ENDOD1: variants seen among roughly 807,000 people sequenced by gnomAD.
ENDOD1 encodes the protein endonuclease domain-containing 1 protein.
In ENDOD1, 9 loss-of-function variants were observed where a neutral mutation model predicts 6.5. The ratio of observed to expected loss-of-function variants is 1.39; its 90% CI spans 0.84 to 2.43. The LOEUF (loss-of-function observed/expected upper bound fraction) is 2.43. Among genes scored for constraint, ENDOD1 ranks in the 30% most tolerant of loss-of-function variants. The pLI is 0.00. For missense variants in ENDOD1, 648 were observed against 635.5 expected (o/e 1.02, Z -0.21); for synonymous variants, 255 against 255.2 (o/e 1.00, Z 0.01).
chr11:95,113,609 A>C (rs184136575), intron 1 of ENDOD1, among the ~76,000 whole-genome samples: 2 of 152,330 alleles, frequency 1.3e-5, no homozygotes, highest in Non-Finnish European at 2.9e-5. Context: ...ATAGTACTTC[A>C]TTGTGCATAT....
At chr11:95,123,314 T>G (rs868062381) in intron 1 of ENDOD1, among the ~76,000 whole-genome samples, 19 of 150,626 alleles carry the variant, frequency 1.3e-4, no homozygotes, top group Middle Eastern at 3.4e-3. Context: ...TTGCAAAAGA[T>G]AAAATTGACA....
At chr11:95,114,221 A>ATC (rs1370812436) in intron 1 of ENDOD1, among the ~76,000 whole-genome samples, 2 of 152,086 alleles carry the variant, frequency 1.3e-5, no homozygotes, top group Non-Finnish European at 2.9e-5. Context: ...GGCTCAAGTG[A>ATC]TCTTCTCACC....
At chr11:95,108,453 G>C (rs1349900802) in intron 1 of ENDOD1, among the ~76,000 whole-genome samples, 2 of 148,712 alleles carry the variant, frequency 1.3e-5, no homozygotes, top group Non-Finnish European at 3.0e-5. Flanking sequence ...TCTGCTAAAA[G>C]GCCTTTCAGG....
intron 1 of ENDOD1, among the ~76,000 whole-genome samples, chr11:95,093,103 C>G (rs1858946741): frequency 6.6e-6 from 1 of 152,212 alleles, no homozygotes; most frequent in Non-Finnish European, 1.5e-5. Context: ...ATCACAGAAA[C>G]TTAGTCACTC....
rs746016010 is a variant in ENDOD1, at chr11:95,128,380, G to A, written c.304G>A (p.Asp102Asn). The change falls in exon 2 of 2, where the codon GAT becomes AAT. Residue 102 changes from aspartate to asparagine, a missense_variant. By Grantham distance (23) the Asp-to-Asn change is conservative. Transcript: ENST00000278505. ...EQRWLVEPQI[D>N]DPNSNLEEAI... Reference sequence around the variant, plus strand: ...ACCACTTGTTTTCTTCTTGCAGATCGATGACCCCAACAGCAACCTTGAGGA... The same window carrying A: ...ACCACTTGTTTTCTTCTTGCAGATCAATGACCCCAACAGCAACCTTGAGGA... The A allele has an allele frequency of 1.8e-5, 29 of 1,610,940 alleles. No individual in the cohort carries two copies. The highest frequency in any genetic ancestry group is 6.7e-5 in the Admixed American group (4 of 59,774).
chr11:95,125,353 C>A (rs1859301193), intron 1 of ENDOD1, among the ~76,000 whole-genome samples: 1 of 152,150 alleles, frequency 6.6e-6, no homozygotes, highest in South Asian at 2.1e-4. Context: ...TCTTATGATT[C>A]AAAAATGAGG....
chr11:95,116,023 CTCT>C (rs1197297396), intron 1 of ENDOD1, among the ~76,000 whole-genome samples: 1 of 151,974 alleles, frequency 6.6e-6, no homozygotes, highest in East Asian at 1.9e-4. Context: ...TGGATGTATT[CTCT>C]TCTTCTCTGT....
intron 1 of ENDOD1, among the ~76,000 whole-genome samples, chr11:95,118,106 T>A (rs1859228300): frequency 1.3e-5 from 2 of 152,230 alleles, no homozygotes; most frequent in South Asian, 4.1e-4. Context: ...TCTATTTATA[T>A]CTTATTGTAC....
intron 1 of ENDOD1, among the ~76,000 whole-genome samples, chr11:95,109,769 A>C (rs1555111734): frequency 6.6e-6 from 1 of 152,146 alleles, no homozygotes; most frequent in South Asian, 2.1e-4. Flanking sequence ...TCTCCTCCCC[A>C]TCACCACTGA....
chr11:95,099,136 T>C (rs571664730), intron 1 of ENDOD1, among the ~76,000 whole-genome samples: 1 of 152,278 alleles, frequency 6.6e-6, no homozygotes, highest in African/African-American at 2.4e-5. Context: ...ACAGTCTTGT[T>C]CTATACTGAT....
At chr11:95,128,321 T>A in intron 1 of ENDOD1, 56 bp from the exon 2 acceptor site, 2 of 1,563,136 alleles carry the variant, frequency 1.3e-6, no homozygotes, top group Admixed American at 3.6e-5. Flanking sequence ...ATGATTCTAG[T>A]GCTGCCTCTG....
intron 1 of ENDOD1, among the ~76,000 whole-genome samples, chr11:95,104,553 A>C (rs1555111262): frequency 6.6e-6 from 1 of 152,056 alleles, no homozygotes; most frequent in African/African-American, 2.4e-5. Flanking sequence ...TGCAAGATTC[A>C]TATCCCTATT....
chr11:95,108,633 A>G (rs1486286878), intron 1 of ENDOD1, among the ~76,000 whole-genome samples: 2 of 151,564 alleles, frequency 1.3e-5, no homozygotes, highest in East Asian at 1.9e-4. Flanking sequence ...AGCACGGAAG[A>G]TTTTTTTTTC....
At chr11:95,109,712 C>T (rs1014549920) in intron 1 of ENDOD1, among the ~76,000 whole-genome samples, 1 of 152,292 alleles carries the variant, frequency 6.6e-6, no homozygotes, top group Non-Finnish European at 1.5e-5. Flanking sequence ...CAGGGCCACA[C>T]CTGGCCTGCT....
chr11:95,127,764 AT>A (rs34243393), intron 1 of ENDOD1, among the ~76,000 whole-genome samples: 74,164 of 149,448 alleles, frequency 0.5, 18,374 homozygotes, highest in East Asian at 0.68. Flanking sequence ...ACTACAACAG[AT>A]TTTTTTTTTT....
At chr11:95,102,045 T>C (rs138341226) in intron 1 of ENDOD1, among the ~76,000 whole-genome samples, 278 of 152,256 alleles carry the variant, frequency 1.8e-3, no homozygotes, top group African/African-American at 6.4e-3. Context: ...TCTCCTTCCC[T>C]GTTCCTGCAC....
intron 1 of ENDOD1, among the ~76,000 whole-genome samples, chr11:95,111,734 T>C (rs1555111967): frequency 2.0e-5 from 3 of 152,152 alleles, no homozygotes; most frequent in Admixed American, 6.5e-5. Context: ...CTTCGCTTGC[T>C]CACCCACTGT....
intron 1 of ENDOD1, among the ~76,000 whole-genome samples, chr11:95,108,535 A>ACACACACAC (rs1325896470): frequency 1.2e-3 from 185 of 148,342 alleles, no homozygotes; most frequent in Middle Eastern, 3.4e-3. Flanking sequence ...ACAGACACCC[A>ACACACACAC]AAAAAAGAAA....
chr11:95,128,367 C>A lies in ENDOD1; in HGVS notation c.301-10C>A. ...AGGGATGCATCTCACCACTTGTTTTCTTCTTGCAGATCGATGACCCCAACA... is the reference window on the plus strand; with the variant it reads ...AGGGATGCATCTCACCACTTGTTTTATTCTTGCAGATCGATGACCCCAACA... On this transcript the variant is annotated splice_polypyrimidine_tract_variant and intron_variant, in intron 1 of 1. Transcript: ENST00000278505. 6.2e-7 allele frequency: 1 copy of A among 1,606,394 alleles called. No individual in the cohort carries two copies. Among genetic ancestry groups the A allele is most frequent in the South Asian group, 1.1e-5 (1 of 89,440 alleles).
Sources: allele counts gnomAD v4.1 joint callset (sites outside exome capture counted in the v4.1 genomes callset), GRCh38; gene constraint gnomAD v4.1.1; transcripts MANE v1.5; gene names NCBI Gene and HGNC (gene_info 2026-07-23, HGNC 2026-07-21).